The following ARHGAP28 variants were observed in gnomAD, a reference collection of about 807,000 sequenced individuals.
The protein encoded by ARHGAP28 is Rho GTPase activating protein 28, also known as rho GTPase-activating protein 28.
In ARHGAP28, 56 loss-of-function variants were observed where a neutral mutation model predicts 90.7. The observed-to-expected ratio is 0.62, with a 90% CI of 0.50 to 0.77. ARHGAP28 has a LOEUF of 0.77. Among genes scored for constraint, ARHGAP28 ranks in the 30% least tolerant of loss-of-function variants. The pLI is 0.00. For missense variants in ARHGAP28, 869 were observed against 900.9 expected, an observed-to-expected ratio of 0.96 and a Z score of 0.45; for synonymous variants, 308 against 323.3, an observed-to-expected ratio of 0.95 and a Z score of 0.51.
chr18:6,896,358 A>T, intron 15 of ARHGAP28, 144 bp from the exon 16 acceptor site: 1 of 925,470 alleles, frequency 1.1e-6, no homozygotes, highest in Non-Finnish European at 1.5e-6. Flanking sequence ...GAAAGAAAGT[A>T]ATGTTCCATT....
chr18:6,773,541 G>C (rs2056260066), intron 1 of ARHGAP28, among the ~76,000 whole-genome samples: 1 of 152,160 alleles, frequency 6.6e-6, no homozygotes, highest in Admixed American at 6.5e-5. Flanking sequence ...GGCCCAAAGA[G>C]AATCTGTGAA....
chr18:6,742,149 TTTTTTTC>T (rs533931241), intron 1 of ARHGAP28, among the ~76,000 whole-genome samples: 1 of 149,626 alleles, frequency 6.7e-6, no homozygotes, highest in Non-Finnish European at 1.5e-5. Flanking sequence ...CTTGGTTTTC[TTTTTTTC>T]TTTTTTCTTT....
At chr18:6,783,626 C>T (rs1329531428) in intron 1 of ARHGAP28, among the ~76,000 whole-genome samples, 1 of 152,096 alleles carries the variant, frequency 6.6e-6, no homozygotes, top group Non-Finnish European at 1.5e-5. Context: ...AACCACAGGA[C>T]ATAACACATT....
chr18:6,858,569 G>A (rs4798501), intron 4 of ARHGAP28, among the ~76,000 whole-genome samples: 5,464 of 150,326 alleles, frequency 0.036, 337 homozygotes, highest in East Asian at 0.28. Flanking sequence ...TTGAGACAGA[G>A]TTTTGCTCTT....
intron 2 of ARHGAP28, among the ~76,000 whole-genome samples, chr18:6,827,386 C>T (rs536963083): frequency 4.8e-5 from 7 of 147,240 alleles, no homozygotes; most frequent in East Asian, 2.1e-4. Flanking sequence ...CACCTCCCTC[C>T]GAGATGGGGC....
intron 16 of ARHGAP28, among the ~76,000 whole-genome samples, chr18:6,906,707 A>T (rs2057366461): frequency 6.6e-6 from 1 of 152,230 alleles, no homozygotes; most frequent in African/African-American, 2.4e-5. Context: ...GAAAACATTT[A>T]TGATCTAAAA....
At chr18:6,775,680 ACTTTC>A (rs962790466) in intron 1 of ARHGAP28, among the ~76,000 whole-genome samples, 33 of 152,298 alleles carry the variant, frequency 2.2e-4, no homozygotes, top group Middle Eastern at 3.4e-3. Context: ...AAATAGGGAG[ACTTTC>A]CTTAACTTTA....
At chr18:6,772,286 C>T (rs2056249176) in intron 1 of ARHGAP28, among the ~76,000 whole-genome samples, 1 of 152,198 alleles carries the variant, frequency 6.6e-6, no homozygotes, top group Admixed American at 6.5e-5. Context: ...GGTGCTCTAA[C>T]AGAATGTAAG....
chr18:6,907,794 A>T (rs971346846), intron 16 of ARHGAP28, among the ~76,000 whole-genome samples: 1 of 152,194 alleles, frequency 6.6e-6, no homozygotes, highest in Non-Finnish European at 1.5e-5. Context: ...GTGAGATGTT[A>T]CTATTGAGAG....
intron 1 of ARHGAP28, among the ~76,000 whole-genome samples, chr18:6,822,311 T>G (rs2056632131): frequency 6.6e-6 from 1 of 152,204 alleles, no homozygotes; most frequent in African/African-American, 2.4e-5. Context: ...GTCTTAGATA[T>G]CCATATACTT....
At chr18:6,742,933 A>G (rs1352298686) in intron 1 of ARHGAP28, among the ~76,000 whole-genome samples, 2 of 152,210 alleles carry the variant, frequency 1.3e-5, no homozygotes, top group African/African-American at 2.4e-5. Context: ...ACAATATGGT[A>G]AAGAAAATCA....
intron 4 of ARHGAP28, among the ~76,000 whole-genome samples, chr18:6,855,266 C>T (rs1165311468): frequency 6.6e-6 from 1 of 152,192 alleles, no homozygotes; most frequent in Admixed American, 6.5e-5. Flanking sequence ...CCATTGATGA[C>T]CATTCAGTCA....
At chr18:6,873,807 C>T in intron 9 of ARHGAP28, 32 bp downstream of exon 9, 1 of 1,560,596 alleles carries the variant, frequency 6.4e-7, no homozygotes, top group South Asian at 1.1e-5. Flanking sequence ...GGGGAATTCA[C>T]AGAGCCTCAT....
intron 10 of ARHGAP28, among the ~76,000 whole-genome samples, chr18:6,879,778 C>T (rs1002638213): frequency 1.3e-5 from 2 of 152,176 alleles, no homozygotes; most frequent in Non-Finnish European, 2.9e-5. Flanking sequence ...GCAGGCCCTG[C>T]CCTGTGAGCT....
chr18:6,870,727 T>C lies in ARHGAP28; in HGVS notation c.949T>C (p.Leu317=). The change falls in exon 7 of 18, where the codon TTA becomes CTA. Residue 317 remains leucine (L), a synonymous_variant. Coordinates refer to ENST00000383472, the MANE Select transcript of ARHGAP28 (RefSeq NM_001366230.1). ...AGAGATTAAGAAAGAAGACTATGTT[T>C]TAACTGTAAGCAAAACCTTTCATGA... ...KSEIKKEDYV[L]TKFNVQKTRF... 2 of 1,602,240 alleles carry C rather than the reference T, an allele frequency of 1.2e-6. No homozygotes were observed. The highest frequency in any genetic ancestry group is 8.5e-7 in the Non-Finnish European group (1 of 1,177,086).
intron 7 of ARHGAP28, among the ~76,000 whole-genome samples, chr18:6,871,549 C>CATT (rs149538372): frequency 0.017 from 2,604 of 152,232 alleles, 67 homozygotes; most frequent in African/African-American, 0.056. Flanking sequence ...CCCAAAGTCT[C>CATT]ATTATTTATA....
intron 7 of ARHGAP28, among the ~76,000 whole-genome samples, chr18:6,871,569 T>G (rs1418601615): frequency 6.6e-6 from 1 of 152,198 alleles, no homozygotes; most frequent in Non-Finnish European, 1.5e-5. Context: ...ATCCAGAATG[T>G]TATATCCAGG....
chr18:6,797,208 G>A (rs1009253888), intron 1 of ARHGAP28, among the ~76,000 whole-genome samples: 4 of 152,094 alleles, frequency 2.6e-5, no homozygotes, highest in Non-Finnish European at 5.9e-5. Context: ...TTTTGTTGTT[G>A]TAGTTGTTTT....
chr18:6,845,751 A>G (rs1251764667), intron 3 of ARHGAP28, among the ~76,000 whole-genome samples: 1 of 152,212 alleles, frequency 6.6e-6, no homozygotes, highest in African/African-American at 2.4e-5. Flanking sequence ...AAAGGACATG[A>G]CCTCATTCCT....
Sources: gnomAD v4.1 joint callset for allele counts (sites outside exome capture counted in the v4.1 genomes callset) on GRCh38, gnomAD v4.1.1 for gene constraint, MANE v1.5 for transcripts, NCBI Gene and HGNC (gene_info 2026-07-23, HGNC 2026-07-21) for gene names.